The following ERMP1 variants were observed in gnomAD, a reference collection of about 807,000 sequenced individuals.
ERMP1 encodes endoplasmic reticulum metallopeptidase 1, also known as Felix-ina.
ERMP1 carries 86 observed loss-of-function variants against 92.0 expected under a neutral mutation model. The observed-to-expected ratio is 0.93, with a 90% CI of 0.79 to 1.12. The LOEUF (loss-of-function observed/expected upper bound fraction) is 1.12. Ranked by LOEUF, ERMP1 falls within the 50% of genes most tolerant of loss-of-function variation. The pLI is 0.00. For synonymous variants in ERMP1, 530 were observed against 412.8 expected (o/e 1.28, Z -3.44); for missense variants, 1,342 against 1,116.3 (o/e 1.20, Z -2.88).
In ERMP1 at chr9:5,786,896, A is replaced by G. The variant is rs532957013; in HGVS notation, c.*248T>C. ...AGGTCATATAAAATGACGTGTGTGT[A>G]GTGGCAGTACCCACATGTGCTGAAG... On this transcript the variant is annotated 3_prime_UTR_variant, in exon 15 of 15. Transcript: ENST00000339450. The G allele has an allele frequency of 2.4e-4, 81 of 341,902 alleles. No homozygotes were observed. In the South Asian group the frequency reaches 3.6e-3, roughly 15 times the overall value. The allele number at this position is 341,902 out of a possible 1,614,324, so 21.2% of individuals were successfully genotyped here.
intron 11 of ERMP1, among the ~76,000 whole-genome samples, chr9:5,799,216 C>A (rs1470320385): frequency 6.6e-6 from 1 of 152,096 alleles, no homozygotes; most frequent in Non-Finnish European, 1.5e-5. Context: ...TTGTATCTTC[C>A]AAATATATTT....
At chr9:5,833,708 T>C (rs1830042216), upstream of ERMP1, among the ~76,000 whole-genome samples, 10 of 152,262 alleles carry the variant, frequency 6.6e-5, no homozygotes, top group Admixed American at 6.5e-4. Context: ...AATATCTTTG[T>C]TCCCATTTTA....
At chr9:5,806,805 T>C (rs1440277037) in intron 8 of ERMP1, among the ~76,000 whole-genome samples, 1 of 152,150 alleles carries the variant, frequency 6.6e-6, no homozygotes, top group African/African-American at 2.4e-5. Flanking sequence ...ATGAAAGTTT[T>C]AATTACGGTG....
chr9:5,801,351 A>T (rs1438277089), intron 10 of ERMP1, 23 bp from the exon 11 acceptor site: 1 of 1,599,036 alleles, frequency 6.3e-7, no homozygotes, highest in African/African-American at 1.3e-5. Flanking sequence ...CCACAAACAC[A>T]GAAATATTAC....
At chr9:5,847,071 A>G (rs1210097625) in intron 6 of ERMP1, among the ~76,000 whole-genome samples, 1 of 152,190 alleles carries the variant, frequency 6.6e-6, no homozygotes, top group Admixed American at 6.5e-5. Context: ...GCCCTCAGCT[A>G]CAAAGAATGC....
At chr9:5,822,967 G>T (rs1829596931) in intron 4 of ERMP1, among the ~76,000 whole-genome samples, 1 of 152,144 alleles carries the variant, frequency 6.6e-6, no homozygotes, top group Non-Finnish European at 1.5e-5. Context: ...GATATCCTTA[G>T]AAAAGTTTAA....
chr9:5,815,419 C>T (rs1829263394), intron 4 of ERMP1, among the ~76,000 whole-genome samples: 1 of 131,078 alleles, frequency 7.6e-6, no homozygotes. Context: ...TAAACTGGGA[C>T]AATTCATGCA....
Position 5,811,331 on chromosome 9 carries a change from T to G in ERMP1, c.1115-8A>C. ...CTGCTAAAATGTTGTCACCTATTAG[T>G]AAAAACAAAAAAAAAAAGAAAGAAA... On this transcript the variant is annotated splice_polypyrimidine_tract_variant and splice_region_variant and intron_variant, in intron 6 of 14. Coordinates refer to ENST00000339450, the MANE Select transcript of ERMP1 (RefSeq NM_024896.3). 6.5e-7 allele frequency: 1 copy of G among 1,543,864 alleles called. No individual in the cohort carries two copies. Among genetic ancestry groups the G allele is most frequent in the South Asian group, 1.2e-5 (1 of 80,898 alleles).
At chr9:5,823,085 G>A (rs907496768) in intron 4 of ERMP1, among the ~76,000 whole-genome samples, 1 of 152,108 alleles carries the variant, frequency 6.6e-6, no homozygotes, top group East Asian at 1.9e-4. Flanking sequence ...AGGAGTTTGA[G>A]ACCAGCCTGG....
intron 3 of ERMP1, among the ~76,000 whole-genome samples, chr9:5,824,297 G>C (rs757346535): frequency 6.6e-6 from 1 of 152,202 alleles, no homozygotes; most frequent in Non-Finnish European, 1.5e-5. Context: ...AAGAGGGCCA[G>C]GCACGGTGGC....
intron 6 of ERMP1, among the ~76,000 whole-genome samples, chr9:5,852,072 T>C (rs1478571761): frequency 1.3e-5 from 2 of 152,134 alleles, no homozygotes; most frequent in African/African-American, 4.8e-5. Flanking sequence ...CTAAGCAACA[T>C]ACATACATGC....
chr9:5,809,121 A>C (rs887329636), intron 8 of ERMP1, among the ~76,000 whole-genome samples: 2 of 152,090 alleles, frequency 1.3e-5, no homozygotes, highest in African/African-American at 2.4e-5. Flanking sequence ...TCCCGGGTTC[A>C]CGCCATTCTC....
At chr9:5,853,843 C>G (rs557459799) in intron 6 of ERMP1, among the ~76,000 whole-genome samples, 1 of 150,748 alleles carries the variant, frequency 6.6e-6, no homozygotes, top group Non-Finnish European at 1.5e-5. Context: ...CTAGATGTAG[C>G]CTTGCTTCTG....
In ERMP1 at chr9:5,793,100, G is replaced by C. The variant is rs948385795; in HGVS notation, c.2386+4717C>G. Among the ~76,000 whole-genome samples the C allele has an allele frequency of 2.0e-5, 3 of 152,100 alleles. No homozygotes were observed. The East Asian group carries it at 5.8e-4, about 29-fold the overall frequency. On this transcript the variant is annotated intron_variant, in intron 13 of 14. Transcript: ENST00000339450. ...ACTGCATATGTGCACACACGCTTCT[G>C]TATAAGAGAGATAAATGCTAGCAAT...
At chr9:5,811,733 T>C (rs1260129) in intron 6 of ERMP1, among the ~76,000 whole-genome samples, 85,118 of 152,022 alleles carry the variant, frequency 0.56, 26,726 homozygotes, top group African/African-American at 0.85. Context: ...ATCAGAAATT[T>C]AGTGGTGAAC....
intron 6 of ERMP1, among the ~76,000 whole-genome samples, chr9:5,847,970 G>C (rs1433364363): frequency 6.6e-6 from 1 of 151,438 alleles, no homozygotes; most frequent in African/African-American, 2.4e-5. Context: ...CGTAAGATGG[G>C]TTTATTATTA....
At chr9:5,839,290 T>C (rs1830129617) in intron 6 of ERMP1, among the ~76,000 whole-genome samples, 1 of 152,248 alleles carries the variant, frequency 6.6e-6, no homozygotes, top group African/African-American at 2.4e-5. Context: ...TTGGTGCATA[T>C]ACTTTTTAAT....
chr9:5,860,992 G>T (rs1830468718), intron 5 of ERMP1, among the ~76,000 whole-genome samples: 1 of 152,124 alleles, frequency 6.6e-6, no homozygotes, highest in Non-Finnish European at 1.5e-5. Context: ...CTTGATATTG[G>T]AGTTCCAGCC....
intron 13 of ERMP1, chr9:5,791,240 G>C (rs954122500): frequency 2.2e-6 from 1 of 456,870 alleles, no homozygotes; most frequent in African/African-American, 2.0e-5. Flanking sequence ...TTACATGATT[G>C]TTGAGGCTGG....
Sources: allele counts gnomAD v4.1 joint callset (sites outside exome capture counted in the v4.1 genomes callset), GRCh38; gene constraint gnomAD v4.1.1; transcripts MANE v1.5; gene names NCBI Gene and HGNC (gene_info 2026-07-23, HGNC 2026-07-21).